Variants in IL13RA1 observed in about 807,000 individuals in gnomAD.
The protein encoded by IL13RA1 is interleukin-13 receptor subunit alpha-1.
In IL13RA1, 14 loss-of-function variants were observed where a neutral mutation model predicts 33.8. The ratio of observed to expected loss-of-function variants is 0.41; its 90% confidence interval spans 0.27 to 0.65. The LOEUF is 0.65. Ranked by LOEUF, IL13RA1 falls within the 30% of genes least tolerant of loss-of-function variation. IL13RA1 has a pLI of 0.28. For missense variants in IL13RA1, 313 were observed against 327.0 expected, an observed-to-expected ratio of 0.96 and a Z score of 0.33; for synonymous variants, 116 against 115.7, an observed-to-expected ratio of 1.00 and a Z score of -0.02.
chrX:118,760,830 A>G (rs1219054583), intron 5 of IL13RA1, among the ~76,000 whole-genome samples: 1 of 112,151 alleles, frequency 8.9e-6, no homozygotes, highest in African/African-American at 3.2e-5. Context: ...GTCCCTGATA[A>G]AAAGTAGCAT....
chrX:118,765,806 G>C (rs1227566368), intron 6 of IL13RA1, among the ~76,000 whole-genome samples: 1 of 112,430 alleles, frequency 8.9e-6, no homozygotes, highest in East Asian at 2.8e-4. Context: ...CACAACACTT[G>C]TTGTTGTCAG....
At chrX:118,757,245 A>G (rs1265901930) in intron 4 of IL13RA1, among the ~76,000 whole-genome samples, 1 of 111,832 alleles carries the variant, frequency 8.9e-6, no homozygotes, top group East Asian at 2.8e-4. Context: ...AAAAGGAACA[A>G]TCTAGGCTGG....
At chrX:118,750,255 C>T (rs917360333) in intron 4 of IL13RA1, among the ~76,000 whole-genome samples, 1 of 111,242 alleles carries the variant, frequency 9.0e-6, no homozygotes, top group Non-Finnish European at 1.9e-5. Flanking sequence ...TAAACCATCT[C>T]TCCTTGTACA....
chrX:118,803,888 TC>T, the IL13RA1 span, among the ~76,000 whole-genome samples: 2 of 99,941 alleles, frequency 2.0e-5, no homozygotes, highest in Non-Finnish European at 4.1e-5. Context: ...CTTCCTTCCT[TC>T]CTTCCTTCCT....
intron 10 of IL13RA1, among the ~76,000 whole-genome samples, chrX:118,789,342 C>A (rs1292191343): frequency 1.8e-5 from 2 of 112,100 alleles, no homozygotes; most frequent in Non-Finnish European, 3.8e-5. Flanking sequence ...GCATAGATTA[C>A]AACTAAGTTG....
At position 118,792,955 on chromosome X, in the gene IL13RA1, C is replaced by T. The variant is rs1006279254; in HGVS notation, c.*1101C>T. On this transcript the variant is annotated 3_prime_UTR_variant, in exon 11 of 11. Coordinates refer to ENST00000371666, the MANE Select transcript of IL13RA1 (RefSeq NM_001560.3). The stretch of plus-strand genomic sequence containing the variant: ...GTGTCTTTGGTTTGTGCTAGGCCCC[C>T]GGGTGTGAAGCACAGACCCCTTCCA... 2.7e-5 allele frequency: 3 copies of T among 111,824 alleles called. No homozygotes were observed. Among genetic ancestry groups the T allele is most frequent in the Non-Finnish European group, 3.8e-5 (2 of 53,167 alleles). 9.2% of individuals were successfully genotyped at this position (111,824 alleles called of 1,213,427 possible). A position where few individuals can be genotyped will look rare whatever the true frequency, so the allele number is the denominator to read the frequency against.
At chrX:118,802,889 T>C in the IL13RA1 span, among the ~76,000 whole-genome samples, 1 of 111,663 alleles carries the variant, frequency 9.0e-6, no homozygotes, top group South Asian at 3.7e-4. Flanking sequence ...ACATTCAAGC[T>C]CCACCCCACT....
chrX:118,777,556 C>G (rs1227503843), intron 10 of IL13RA1, among the ~76,000 whole-genome samples: 1 of 111,454 alleles, frequency 9.0e-6, no homozygotes, highest in African/African-American at 3.3e-5. Flanking sequence ...CCTTCTGACT[C>G]TTGGATAATT....
At chrX:118,771,946 C>A (rs965830985) in intron 8 of IL13RA1, among the ~76,000 whole-genome samples, 4 of 111,757 alleles carry the variant, frequency 3.6e-5, no homozygotes, top group Non-Finnish European at 5.7e-5. Flanking sequence ...GCACTCCAGC[C>A]TGGGTGACAG....
At chrX:118,747,156 G>A in intron 3 of IL13RA1, 64 bp downstream of exon 3, 1 of 684,029 alleles carries the variant, frequency 1.5e-6, no homozygotes, top group Non-Finnish European at 2.3e-6. Flanking sequence ...CAATGCTTTT[G>A]TGCATTGTTC....
chrX:118,753,701 G>GT (rs929041745), intron 4 of IL13RA1, among the ~76,000 whole-genome samples: 2 of 112,702 alleles, frequency 1.8e-5, no homozygotes, highest in African/African-American at 6.4e-5. Context: ...TAATTTTTGT[G>GT]TTTTTTGTAG....
chrX:118,781,043 A>G (rs1201707133), intron 10 of IL13RA1, among the ~76,000 whole-genome samples: 2 of 111,533 alleles, frequency 1.8e-5, no homozygotes, highest in African/African-American at 6.5e-5. Context: ...TGTTTTGTTC[A>G]TTACTATAGT....
the IL13RA1 span, among the ~76,000 whole-genome samples, chrX:118,800,039 T>G: frequency 1.7e-4 from 16 of 92,955 alleles, no homozygotes; most frequent in African/African-American, 6.0e-4. Flanking sequence ...GTGCACCAAT[T>G]GACACTCTGT....
chrX:118,732,542 A>G (rs1462867858), intron 1 of IL13RA1, among the ~76,000 whole-genome samples: 2 of 109,392 alleles, frequency 1.8e-5, no homozygotes, highest in Non-Finnish European at 3.8e-5. Context: ...TCCTAATGCT[A>G]TCCCTCCCCC....
In IL13RA1 at chrX:118,758,154, T is replaced by C; in HGVS notation, c.588T>C (p.Ser196=). 8.7e-7 allele frequency: 1 copy of C among 1,145,716 alleles called. No individual in the cohort carries two copies. The highest frequency in any genetic ancestry group is 1.2e-6 in the Non-Finnish European group (1 of 837,643). The allele number at this position is 1,145,716 out of a possible 1,213,427, so 94.4% of individuals were successfully genotyped here. ...ATCTGACCAAAGTGAAGGATTCCAGTTTTGAACAACACAGTGTCCAAATAA... is the reference window on the plus strand; with the variant it reads ...ATCTGACCAAAGTGAAGGATTCCAGCTTTGAACAACACAGTGTCCAAATAA... ...SFDLTKVKDS[S]FEQHSVQIMV... Residue 196 remains serine (S), a synonymous_variant, in exon 5 of 11, where the codon AGT becomes AGC. Coordinates refer to ENST00000371666, the MANE Select transcript of IL13RA1 (RefSeq NM_001560.3).
downstream of IL13RA1, among the ~76,000 whole-genome samples, chrX:118,795,259 A>T (rs2018023972): frequency 9.1e-6 from 1 of 110,097 alleles, no homozygotes; most frequent in Admixed American, 9.6e-5. Flanking sequence ...AGTTTTCAAT[A>T]GCTGTCCTTT....
intron 4 of IL13RA1, among the ~76,000 whole-genome samples, chrX:118,750,334 T>G: frequency 9.0e-6 from 1 of 110,743 alleles, no homozygotes; most frequent in Non-Finnish European, 1.9e-5. Context: ...ATTTTATTAT[T>G]TCAAGAATGT....
At chrX:118,782,168 GCTCAAGCAGTTTTCCTGC>G (rs1300393289) in intron 10 of IL13RA1, among the ~76,000 whole-genome samples, 1 of 111,497 alleles carries the variant, frequency 9.0e-6, no homozygotes. Context: ...GACCTCCTGA[GCTCAAGCAGTTTTCCTGC>G]CTCAGCCTCC....
chrX:118,765,139 C>T (rs187360049), intron 6 of IL13RA1, among the ~76,000 whole-genome samples: 173 of 111,201 alleles, frequency 1.6e-3, no homozygotes, highest in Non-Finnish European at 2.7e-3. Flanking sequence ...GTCACCCAGG[C>T]TGGAGTGCAG....
Sources: allele counts gnomAD v4.1 joint callset (sites outside exome capture counted in the v4.1 genomes callset), GRCh38; gene constraint gnomAD v4.1.1; transcripts MANE v1.5; gene names NCBI Gene and HGNC (gene_info 2026-07-23, HGNC 2026-07-21).